CDH23: variants seen among roughly 807,000 people sequenced by gnomAD.
CDH23 encodes cadherin-23.
A neutral mutation model predicts 317.1 loss-of-function variants in CDH23; 189 were observed. The observed-to-expected ratio is 0.60, with a 90% confidence interval of 0.53 to 0.67. The LOEUF (loss-of-function observed/expected upper bound fraction) is 0.67. Ranked by LOEUF, CDH23 falls within the 30% of genes least tolerant of loss-of-function variation. The pLI, the probability that CDH23 is intolerant of heterozygous loss-of-function variation, is 0.00. For missense variants in CDH23, 4,401 were observed against 4,592.4 expected (o/e 0.96, Z 1.20); for synonymous variants, 1,839 against 1,876.8 (o/e 0.98, Z 0.52).
chr10:71,630,339 G>A (rs1861944306), intron 11 of CDH23, among the ~76,000 whole-genome samples: 1 of 152,074 alleles, frequency 6.6e-6, no homozygotes, highest in Non-Finnish European at 1.5e-5. Flanking sequence ...TTTTTTAAAG[G>A]ATGCTGTGTC....
intron 14 of CDH23, among the ~76,000 whole-genome samples, chr10:71,660,108 G>A (rs1309616548): frequency 2.6e-5 from 4 of 151,848 alleles, no homozygotes; most frequent in East Asian, 1.9e-4. Context: ...TTACAGGCGC[G>A]TGCCACCACA....
chr10:71,596,865 C>T (rs554155541), intron 9 of CDH23, among the ~76,000 whole-genome samples: 3 of 152,310 alleles, frequency 2.0e-5, no homozygotes, highest in South Asian at 4.1e-4. Flanking sequence ...TTGCCCAGCC[C>T]GCCCCAGGGC....
chr10:71,759,258 G>A (rs960223938), intron 38 of CDH23, among the ~76,000 whole-genome samples: 1 of 151,872 alleles, frequency 6.6e-6, no homozygotes, highest in East Asian at 1.9e-4. Flanking sequence ...GGCTGGTCTC[G>A]AACTCCTGGC....
At position 71,397,047 on chromosome 10, in the gene CDH23, T is replaced by A. The variant is rs1287879493; in HGVS notation, c.-277T>A. On this transcript the variant is annotated 5_prime_UTR_variant, in exon 1 of 70. Coordinates refer to ENST00000224721, the MANE Select transcript of CDH23 (RefSeq NM_022124.6). This position sits in a 1 kb window ranked among gnomAD's most constrained non-coding sequence, Gnocchi z 4.8. Reference sequence around the variant, plus strand: ...GTGGTCGGGGCTAGTCAGCCCGGCCTGGGCATGGAGCGCGGGGTGGCAGAG... The same window carrying A: ...GTGGTCGGGGCTAGTCAGCCCGGCCAGGGCATGGAGCGCGGGGTGGCAGAG... 1 of 152,658 alleles carries A rather than the reference T, an allele frequency of 6.6e-6. No individual in the cohort carries two copies. Among genetic ancestry groups the A allele is most frequent in the Admixed American group, 6.6e-5 (1 of 15,170 alleles). 9.5% of individuals were successfully genotyped at this position (152,658 alleles called of 1,614,324 possible).
Position 71,741,895 on chromosome 10 carries a change from G to A in CDH23, c.4819G>A (p.Glu1607Lys), listed in dbSNP as rs774925403. Reference protein sequence around the residue: ...QSFYHLVATVEDEGTPTLSAT... With the variant: ...QSFYHLVATVKDEGTPTLSAT... ...CTTCTACCACCTGGTGGCCACTGTGGAGGACGAGGGCACCCCAACCCTGTC... is the reference window on the plus strand; with the variant it reads ...CTTCTACCACCTGGTGGCCACTGTGAAGGACGAGGGCACCCCAACCCTGTC... Residue 1607 changes from glutamate (E) to lysine (K), a missense_variant, in exon 38 of 70, where the codon GAG becomes AAG. Physicochemically the swap from Glu to Lys is moderately conservative, Grantham distance 56 (BLOSUM62 1). This residue lies in a region of CDH23 where 3,068 missense variants were observed against 3,203.3 expected (regional missense o/e 0.96). Coordinates refer to ENST00000224721, the MANE Select transcript of CDH23 (RefSeq NM_022124.6). The A allele has an allele frequency of 6.2e-7, 1 of 1,606,102 alleles. No individual in the cohort carries two copies. The highest frequency in any genetic ancestry group is 8.5e-7 in the Non-Finnish European group (1 of 1,176,530).
At chr10:71,607,807 G>A (rs1337062008) in intron 9 of CDH23, among the ~76,000 whole-genome samples, 3 of 152,214 alleles carry the variant, frequency 2.0e-5, no homozygotes, top group Non-Finnish European at 2.9e-5. Flanking sequence ...GGAGGCTGAG[G>A]TGGGAGGATC....
At chr10:71,659,645 A>C (rs1422111042) in intron 14 of CDH23, among the ~76,000 whole-genome samples, 1 of 152,242 alleles carries the variant, frequency 6.6e-6, no homozygotes, top group African/African-American at 2.4e-5. Flanking sequence ...TACTTCCTGA[A>C]CACATGTAAT....
intron 3 of CDH23, among the ~76,000 whole-genome samples, chr10:71,503,418 C>G (rs1853448867): frequency 6.6e-6 from 1 of 152,260 alleles, no homozygotes; most frequent in Non-Finnish European, 1.5e-5. Flanking sequence ...TTGCTATACT[C>G]TCTCTTCCCG....
At chr10:71,574,657 G>A (rs1019642057) in intron 8 of CDH23, among the ~76,000 whole-genome samples, 1 of 152,122 alleles carries the variant, frequency 6.6e-6, no homozygotes, top group Non-Finnish European at 1.5e-5. Flanking sequence ...GAGGACGTGG[G>A]TCCCTGAGGC....
At chr10:71,555,658 C>G (rs1317806752) in intron 6 of CDH23, among the ~76,000 whole-genome samples, 2 of 152,162 alleles carry the variant, frequency 1.3e-5, no homozygotes, top group Non-Finnish European at 2.9e-5. Flanking sequence ...TCTCCAAATT[C>G]TACTGTCATT....
chr10:71,771,450 G>A (rs905218052), intron 38 of CDH23, among the ~76,000 whole-genome samples: 4 of 152,180 alleles, frequency 2.6e-5, no homozygotes, highest in African/African-American at 4.8e-5. Flanking sequence ...CCAGCACCTC[G>A]GCAGGCTGGT....
intron 60 of CDH23, among the ~76,000 whole-genome samples, chr10:71,808,657 T>C (rs1206749033): frequency 6.6e-6 from 1 of 152,064 alleles, no homozygotes; most frequent in Non-Finnish European, 1.5e-5. Flanking sequence ...CCCCAACCCC[T>C]TCCCCCTTCT....
intron 38 of CDH23, chr10:71,750,445 G>C (rs1207292038): frequency 1.3e-5 from 2 of 152,312 alleles, no homozygotes; most frequent in African/African-American, 4.8e-5. Flanking sequence ...GATGGGGAGG[G>C]CGGGGGGCAG....
intron 44 of CDH23, among the ~76,000 whole-genome samples, chr10:71,787,753 G>T (rs1222523812): frequency 1.3e-5 from 2 of 152,164 alleles, no homozygotes; most frequent in African/African-American, 2.4e-5. Flanking sequence ...GTATTCCATG[G>T]TCTATATACC....
chr10:71,628,892 C>G (rs922631582), intron 11 of CDH23, among the ~76,000 whole-genome samples: 50 of 152,226 alleles, frequency 3.3e-4, no homozygotes, highest in African/African-American at 1.2e-3. Context: ...CTGACTAGTG[C>G]TAGCATCAAC....
At chr10:71,706,326 G>A (rs570044553) in intron 25 of CDH23, among the ~76,000 whole-genome samples, 35 of 152,294 alleles carry the variant, frequency 2.3e-4, no homozygotes, top group Admixed American at 2.0e-3. Context: ...TTTGCTGAAA[G>A]TCCGTTGCAT....
intron 6 of CDH23, among the ~76,000 whole-genome samples, chr10:71,533,076 C>T (rs913793787): frequency 1.3e-5 from 2 of 152,178 alleles, no homozygotes; most frequent in Admixed American, 1.3e-4. Flanking sequence ...GTATCTGGCA[C>T]TGTGGGTGTG....
rs904008201 is a variant in CDH23 at position 71,511,195 on chromosome 10, A to G, written c.412A>G (p.Ser138Gly). The G allele has an allele frequency of 6.2e-7, 1 of 1,613,572 alleles. No homozygotes were observed. The highest frequency in any genetic ancestry group is 1.1e-5 in the South Asian group (1 of 91,062). The change falls in exon 6 of 70, where the codon AGC (serine) becomes GGC (glycine). Residue 138 changes from serine (S) to glycine (G), a missense_variant. By Grantham distance (56) the Ser-to-Gly change is moderately conservative. Transcript: ENST00000224721. ...GCCCACATTTCACAATCAGCCCTAC[A>G]GCGTCCGCATCCCTGAGGTAGGAGC... is the stretch of plus-strand genomic sequence containing the variant. ...NAPTFHNQPY[S>G]VRIPENTPVG...
chr10:71,669,208 C>T, intron 14 of CDH23, among the ~76,000 whole-genome samples: 1 of 152,082 alleles, frequency 6.6e-6, no homozygotes, highest in East Asian at 1.9e-4. Context: ...GGCCTTGGTG[C>T]CAGCAAGTGC....
Sources: gnomAD v4.1 joint callset for allele counts (sites outside exome capture counted in the v4.1 genomes callset) on GRCh38, gnomAD v4.1.1 for gene constraint, gnomAD v4.1.1 regional missense constraint, Gnocchi (gnomAD v3.1) non-coding constraint, MANE v1.5 for transcripts, NCBI Gene and HGNC (gene_info 2026-07-23, HGNC 2026-07-21) for gene names.